The following SEZ6L variants were observed in gnomAD, a reference collection of about 807,000 sequenced individuals.
SEZ6L encodes seizure 6-like protein.
SEZ6L carries 37 observed loss-of-function variants against 106.2 expected under a neutral mutation model. The observed-to-expected ratio is 0.35, with a 90% CI of 0.27 to 0.46. SEZ6L has a LOEUF of 0.46. Among genes scored for constraint, SEZ6L ranks in the 20% least tolerant of loss-of-function variants. SEZ6L has a pLI of 1.00. For synonymous variants in SEZ6L, 541 were observed against 570.4 expected (o/e 0.95, Z 0.73); for missense variants, 1,172 against 1,332.8 (o/e 0.88, Z 1.88).
chr22:26,357,747 T>C (rs1601604855), intron 12 of SEZ6L, among the ~76,000 whole-genome samples: 1 of 152,202 alleles, frequency 6.6e-6, no homozygotes, highest in African/African-American at 2.4e-5. Flanking sequence ...ATTACTGTCG[T>C]TGATATTGTT....
At chr22:26,328,424 G>A (rs922587400) in intron 9 of SEZ6L, among the ~76,000 whole-genome samples, 1 of 152,194 alleles carries the variant, frequency 6.6e-6, no homozygotes, top group African/African-American at 2.4e-5. Context: ...GGCTCAGAGA[G>A]GCTAATCTGC....
intron 1 of SEZ6L, among the ~76,000 whole-genome samples, chr22:26,282,060 G>A (rs1022876526): frequency 1.2e-4 from 18 of 152,102 alleles, no homozygotes; most frequent in Admixed American, 1.2e-3. Flanking sequence ...TGCTTAACTC[G>A]TCTGCATAGC....
At chr22:26,276,049 T>C (rs137186) in intron 1 of SEZ6L, among the ~76,000 whole-genome samples, 9,325 of 152,254 alleles carry the variant, frequency 0.061, 884 homozygotes, top group African/African-American at 0.21. Context: ...TTACCAGCTG[T>C]GACACCTCTC....
Position 26,292,830 on chromosome 22 carries a change from C to G in SEZ6L, c.519C>G (p.Ile173Met), listed in dbSNP as rs376527866. 1 of 1,613,980 alleles carries G rather than the reference C, an allele frequency of 6.2e-7. No individual in the cohort carries two copies. The highest frequency in any genetic ancestry group is 8.5e-7 in the Non-Finnish European group (1 of 1,179,892). The change falls in exon 2 of 17, where the codon ATC becomes ATG. Residue 173 changes from isoleucine (I) to methionine (M), a missense_variant. This residue lies in a region of SEZ6L where 494 missense variants were observed against 445.8 expected (regional missense o/e 1.11). Coordinates refer to ENST00000248933, the MANE Select transcript of SEZ6L (RefSeq NM_021115.5). ...KPGPPGDPDPIVASEEASEVP... is the reference protein window; with the variant it reads ...KPGPPGDPDPMVASEEASEVP... Reference sequence around the variant, plus strand: ...GCCCACCGGGGGACCCGGACCCCATCGTGGCCTCCGAGGAGGCATCAGAAG... The same window carrying G: ...GCCCACCGGGGGACCCGGACCCCATGGTGGCCTCCGAGGAGGCATCAGAAG...
chr22:26,347,923 G>T lies in SEZ6L; in HGVS notation c.2407+10G>T. ...CCATTTTGTGAGAAAAGTAAGAGTGGTCTTGTTTCCTTCCTCTAGGTCCCT... is the reference window on the plus strand; with the variant it reads ...CCATTTTGTGAGAAAAGTAAGAGTGTTCTTGTTTCCTTCCTCTAGGTCCCT... On this transcript the variant is annotated intron_variant, in intron 11 of 16. Coordinates refer to ENST00000248933, the MANE Select transcript of SEZ6L (RefSeq NM_021115.5). 1.3e-6 allele frequency: 2 copies of T among 1,552,016 alleles called. No homozygotes were observed. The highest frequency in any genetic ancestry group is 1.7e-4 in the Middle Eastern group (1 of 5,754).
At chr22:26,226,473 T>C (rs894152850) in intron 1 of SEZ6L, among the ~76,000 whole-genome samples, 1 of 152,184 alleles carries the variant, frequency 6.6e-6, no homozygotes, top group African/African-American at 2.4e-5. Context: ...ACCCTTACAT[T>C]TGAAATCAGA....
chr22:26,229,770 T>C (rs2078741989), intron 1 of SEZ6L, among the ~76,000 whole-genome samples: 1 of 152,202 alleles, frequency 6.6e-6, no homozygotes, highest in South Asian at 2.1e-4. Context: ...ATGATTCAAA[T>C]GTGCAGCCAG....
At chr22:26,186,329 G>C (rs1939776353) in intron 1 of SEZ6L, among the ~76,000 whole-genome samples, 1 of 152,168 alleles carries the variant, frequency 6.6e-6, no homozygotes, top group Non-Finnish European at 1.5e-5. Flanking sequence ...TTAAAGAAAA[G>C]CAATGATTCA....
At chr22:26,362,471 C>A (rs1362534291) in intron 12 of SEZ6L, among the ~76,000 whole-genome samples, 1 of 152,126 alleles carries the variant, frequency 6.6e-6, no homozygotes, top group East Asian at 1.9e-4. Flanking sequence ...TCTTCTGCAG[C>A]CACCCAGGGT....
At chr22:26,350,591 C>T (rs1294959451) in intron 11 of SEZ6L, among the ~76,000 whole-genome samples, 1 of 151,740 alleles carries the variant, frequency 6.6e-6, no homozygotes, top group Non-Finnish European at 1.5e-5. Flanking sequence ...CTGGCCTATT[C>T]TCCAGCCACC....
chr22:26,363,693 G>C (rs1339984577), intron 12 of SEZ6L, among the ~76,000 whole-genome samples: 3 of 152,168 alleles, frequency 2.0e-5, no homozygotes, highest in Non-Finnish European at 4.4e-5. Flanking sequence ...TCAGAAATCT[G>C]GGCATAGCTT....
intron 12 of SEZ6L, among the ~76,000 whole-genome samples, chr22:26,351,687 C>G (rs1184962698): frequency 6.6e-6 from 1 of 152,130 alleles, no homozygotes; most frequent in African/African-American, 2.4e-5. Flanking sequence ...GCTGGGATTA[C>G]AGGCGCGTGC....
rs182115827 is a variant in SEZ6L, at chr22:26,263,606, C to T, written c.95-28800C>T. The stretch of plus-strand genomic sequence containing the variant: ...TAAGGAATACAGACCCTACGTCCAG[C>T]TCTGCACAAATGTTGTCCCAATTCC... On this transcript the variant is annotated intron_variant, in intron 1 of 16. Coordinates refer to ENST00000248933, the MANE Select transcript of SEZ6L (RefSeq NM_021115.5). Among the ~76,000 whole-genome samples the T allele has an allele frequency of 3.7e-4, 56 of 152,374 alleles. 1 individual carries two copies. The South Asian group carries it at 4.6e-3, about 12-fold the overall frequency.
intron 1 of SEZ6L, among the ~76,000 whole-genome samples, chr22:26,278,836 A>G (rs2080645851): frequency 6.7e-6 from 1 of 148,268 alleles, no homozygotes; most frequent in Admixed American, 6.7e-5. Flanking sequence ...AAACAGAAAA[A>G]GAAAAGGAAA....
intron 8 of SEZ6L, 37 bp downstream of exon 8, chr22:26,311,999 A>G: frequency 6.3e-7 from 1 of 1,585,196 alleles, no homozygotes; most frequent in Non-Finnish European, 8.6e-7. Flanking sequence ...ACGGCACCCC[A>G]GGGATCTCCA....
intron 9 of SEZ6L, among the ~76,000 whole-genome samples, chr22:26,333,022 G>A: frequency 6.6e-6 from 1 of 152,232 alleles, no homozygotes; most frequent in East Asian, 1.9e-4. Context: ...TTATTCAAAA[G>A]CTAAATGTGG....
At chr22:26,375,942 A>C (rs2084210398) in intron 15 of SEZ6L, among the ~76,000 whole-genome samples, 1 of 152,256 alleles carries the variant, frequency 6.6e-6, no homozygotes, top group African/African-American at 2.4e-5. Flanking sequence ...TTAGTGGGGC[A>C]CACAGACATA....
chr22:26,348,612 AAAAG>A lies in SEZ6L; in HGVS notation c.2407+731_2407+734del, dbSNP rs1175520871. 7.1e-3 allele frequency among the ~76,000 whole-genome samples: 154 copies of A among 21,744 alleles called. 9 individuals are homozygous for A. Among genetic ancestry groups the A allele is most frequent in the African/African-American group, 0.02 (46 of 2,274 alleles). 14.3% of individuals were successfully genotyped at this position (21,744 alleles called of 152,430 possible). A position where few individuals can be genotyped will look rare whatever the true frequency, so the allele number is the denominator to read the frequency against. On this transcript the variant is annotated intron_variant, in intron 11 of 16. Coordinates refer to ENST00000248933, the MANE Select transcript of SEZ6L (RefSeq NM_021115.5). ...AGAAAGAAAGAAAGAAAGAAAGAGA[AAAAG>A]AAAGAAAGAAAGAAAGAAAGAAAGA... is the stretch of plus-strand genomic sequence containing the variant.
At chr22:26,193,725 T>C (rs1940398831) in intron 1 of SEZ6L, among the ~76,000 whole-genome samples, 1 of 152,192 alleles carries the variant, frequency 6.6e-6, no homozygotes, top group African/African-American at 2.4e-5. Flanking sequence ...CTCCATGATA[T>C]ACAGACTTCC....
Sources: gnomAD v4.1 joint callset for allele counts (sites outside exome capture counted in the v4.1 genomes callset) on GRCh38, gnomAD v4.1.1 for gene constraint, gnomAD v4.1.1 regional missense constraint, MANE v1.5 for transcripts, NCBI Gene and HGNC (gene_info 2026-07-23, HGNC 2026-07-21) for gene names.